Variants in HDAC9 observed in about 807,000 individuals in gnomAD.
HDAC9 encodes MEF-2 interacting transcription repressor (MITR) protein.
A neutral mutation model predicts 139.4 loss-of-function variants in HDAC9; 41 were observed. The observed-to-expected ratio is 0.29, with a 90% CI of 0.23 to 0.38. The LOEUF is 0.38. Ranked by LOEUF, HDAC9 falls within the 10% of genes least tolerant of loss-of-function variation. The pLI is 1.00. For synonymous variants in HDAC9, 517 were observed against 476.2 expected, an observed-to-expected ratio of 1.09 and a Z score of -1.12; for missense variants, 1,147 against 1,297.0, an observed-to-expected ratio of 0.88 and a Z score of 1.78.
intron 1 of HDAC9, among the ~76,000 whole-genome samples, chr7:18,097,491 G>C (rs1782587731): frequency 6.8e-6 from 1 of 147,420 alleles, no homozygotes. Context: ...AATGACCCAG[G>C]TTATCTTGCG....
At chr7:18,094,446 T>C (rs2128062237) in intron 1 of HDAC9, among the ~76,000 whole-genome samples, 1 of 151,456 alleles carries the variant, frequency 6.6e-6, no homozygotes, top group African/African-American at 2.4e-5. Flanking sequence ...TTACTTTTTT[T>C]TTTTTTTTTT....
intron 19 of HDAC9, among the ~76,000 whole-genome samples, chr7:18,830,668 T>G (rs560772066): frequency 1.7e-4 from 26 of 152,314 alleles, no homozygotes; most frequent in Middle Eastern, 3.4e-3. Flanking sequence ...CCATTTGTTG[T>G]GCTTCGTTGC....
At chr7:18,892,733 G>A (rs1800794953) in intron 22 of HDAC9, 1 of 152,100 alleles carries the variant, frequency 6.6e-6, no homozygotes, top group South Asian at 2.1e-4. Flanking sequence ...GCAATACAAA[G>A]TGGGAAAAGG....
At chr7:18,186,506 C>T (rs901306477) in intron 2 of HDAC9, among the ~76,000 whole-genome samples, 8 of 152,292 alleles carry the variant, frequency 5.3e-5, no homozygotes, top group African/African-American at 1.9e-4. Flanking sequence ...AAGACTCTGC[C>T]CCACTCTTCA....
At chr7:18,822,789 A>G (rs1795085916) in intron 17 of HDAC9, among the ~76,000 whole-genome samples, 1 of 152,206 alleles carries the variant, frequency 6.6e-6, no homozygotes, top group Non-Finnish European at 1.5e-5. Flanking sequence ...AACTTTAGGC[A>G]AGTTCTTTCA....
chr7:18,312,633 A>C (rs1799392656), intron 1 of HDAC9, among the ~76,000 whole-genome samples: 1 of 152,080 alleles, frequency 6.6e-6, no homozygotes, highest in African/African-American at 2.4e-5. Flanking sequence ...ATGGTCTTTT[A>C]TTCTTAGCAG....
At chr7:18,169,099 G>A (rs796869407) in intron 2 of HDAC9, among the ~76,000 whole-genome samples, 24 of 151,796 alleles carry the variant, frequency 1.6e-4, no homozygotes, top group African/African-American at 4.6e-4. Flanking sequence ...CACCATGCCT[G>A]GCAAATTTTT....
At chr7:18,826,481 T>A (rs1250594130) in intron 17 of HDAC9, among the ~76,000 whole-genome samples, 2 of 152,054 alleles carry the variant, frequency 1.3e-5, no homozygotes, top group Admixed American at 6.6e-5. Flanking sequence ...TGAGAAAAAG[T>A]TTGTTGATTT....
intron 1 of HDAC9, among the ~76,000 whole-genome samples, chr7:18,142,624 C>T (rs1301301258): frequency 6.6e-6 from 1 of 152,206 alleles, no homozygotes; most frequent in African/African-American, 2.4e-5. Context: ...AGAGGGACAA[C>T]TGGTCAGAGA....
At chr7:18,898,427 T>A (rs1801408922) in intron 22 of HDAC9, among the ~76,000 whole-genome samples, 1 of 151,924 alleles carries the variant, frequency 6.6e-6, no homozygotes, top group Non-Finnish European at 1.5e-5. Flanking sequence ...GCATGTTATA[T>A]TTTCAGAAAA....
At chr7:18,991,892 A>T (rs944771400) in intron 25 of HDAC9, among the ~76,000 whole-genome samples, 1 of 152,238 alleles carries the variant, frequency 6.6e-6, no homozygotes, top group Non-Finnish European at 1.5e-5. Context: ...CTATGAGAGC[A>T]GGGATGTTTG....
chr7:18,713,423 A>C lies in HDAC9; in HGVS notation c.1732-14157A>C, dbSNP rs148880460. On this transcript the variant is annotated intron_variant, in intron 12 of 25. Coordinates refer to ENST00000686413, the MANE Select transcript of HDAC9 (RefSeq NM_178425.4). The stretch of plus-strand genomic sequence containing the variant: ...TAAGAACAGAGACACAAAATAATTA[A>C]GTACGTGAGGTAACATATATGTTAA... Among the ~76,000 whole-genome samples the C allele has an allele frequency of 3.7e-3, 562 of 152,322 alleles. 3 individuals are homozygous for C. The highest frequency in any genetic ancestry group is 0.013 in the African/African-American group (539 of 41,578).
chr7:18,873,600 TATCTC>T (rs1799092786), intron 21 of HDAC9, among the ~76,000 whole-genome samples: 1 of 152,192 alleles, frequency 6.6e-6, no homozygotes, highest in Non-Finnish European at 1.5e-5. Flanking sequence ...GTTTTAGTTA[TATCTC>T]ACAACCACAC....
chr7:18,937,103 G>C (rs937904686), intron 23 of HDAC9, among the ~76,000 whole-genome samples: 3 of 142,510 alleles, frequency 2.1e-5, no homozygotes, highest in Non-Finnish European at 4.5e-5. Context: ...GCAGTGGCGC[G>C]ATCTCGGCTC....
intron 1 of HDAC9, among the ~76,000 whole-genome samples, chr7:18,120,186 A>C (rs750851497): frequency 6.6e-6 from 1 of 152,130 alleles, no homozygotes; most frequent in Non-Finnish European, 1.5e-5. Context: ...AACAGAAGGG[A>C]GGAGTGCTAC....
intron 2 of HDAC9, among the ~76,000 whole-genome samples, chr7:18,578,747 T>G (rs1826830927): frequency 6.6e-6 from 1 of 152,210 alleles, no homozygotes; most frequent in Non-Finnish European, 1.5e-5. Flanking sequence ...TATTTCAACA[T>G]GAGATGGTAT....
intron 22 of HDAC9, among the ~76,000 whole-genome samples, chr7:18,915,647 T>TA (rs11308716): frequency 0.05 from 7,265 of 146,686 alleles, 234 homozygotes; most frequent in South Asian, 0.13. Flanking sequence ...CTGCCATTGT[T>TA]AAAAAAAAAA....
chr7:18,668,577 TAC>T, intron 12 of HDAC9: 1 of 977,154 alleles, frequency 1.0e-6, no homozygotes, highest in Non-Finnish European at 1.2e-6. Flanking sequence ...GTTTCATCAG[TAC>T]AGTTGGTGGA....
intron 1 of HDAC9, among the ~76,000 whole-genome samples, chr7:18,392,286 C>T (rs999268744): frequency 1.4e-5 from 2 of 140,576 alleles, no homozygotes; most frequent in Non-Finnish European, 3.0e-5. Flanking sequence ...CTCTCTCTCT[C>T]TCTGTCTCTC....
Sources: allele counts gnomAD v4.1 joint callset (sites outside exome capture counted in the v4.1 genomes callset), GRCh38; gene constraint gnomAD v4.1.1; transcripts MANE v1.5; gene names NCBI Gene and HGNC (gene_info 2026-07-23, HGNC 2026-07-21).